Variants in GNG5 observed in about 807,000 individuals in gnomAD.
GNG5 encodes guanine nucleotide-binding protein G(I)/G(S)/G(O) subunit gamma-5.
A neutral mutation model predicts 6.2 loss-of-function variants in GNG5; 2 were observed. The observed-to-expected ratio is 0.32, with a 90% CI of 0.13 to 1.01. The LOEUF is 1.01. Ranked by LOEUF, GNG5 falls within the 50% of genes least tolerant of loss-of-function variation. GNG5 has a pLI of 0.48. For synonymous variants in GNG5, 24 were observed against 33.0 expected, an observed-to-expected ratio of 0.73 and a Z score of 0.93; for missense variants, 57 against 80.2, an observed-to-expected ratio of 0.71 and a Z score of 1.10.
intron 3 of GNG5, 32 bp downstream of exon 3, chr1:84,501,794 T>TG: frequency 7.3e-7 from 1 of 1,370,134 alleles, no homozygotes; most frequent in Non-Finnish European, 1.0e-6. Flanking sequence ...TCCTACAGTG[T>TG]GGGTTTTTGT....
chr1:84,502,816 C>T (rs1043657677), intron 2 of GNG5, among the ~76,000 whole-genome samples: 1 of 152,154 alleles, frequency 6.6e-6, no homozygotes, highest in Non-Finnish European at 1.5e-5. Flanking sequence ...TTATCAGACC[C>T]TTATACTGTC....
chr1:84,503,845 G>C (rs1337855673), intron 2 of GNG5: 1 of 152,228 alleles, frequency 6.6e-6, no homozygotes, highest in Non-Finnish European at 1.5e-5. Flanking sequence ...CTTTTAGATG[G>C]TGACTGGGTG....
intron 3 of GNG5, 88 bp from the exon 4 acceptor site, chr1:84,498,636 A>C (rs1041310058): frequency 7.9e-5 from 12 of 152,542 alleles, no homozygotes; most frequent in African/African-American, 1.7e-4. Context: ...AACTTAAAAG[A>C]AGCAGGATGG....
intron 2 of GNG5, 113 bp downstream of exon 2, chr1:84,505,898 C>G: frequency 1.4e-6 from 1 of 735,040 alleles, no homozygotes. Context: ...CGCGCGTCCT[C>G]TCCAGGGGAA....
chr1:84,503,550 C>T (rs887939977), intron 2 of GNG5: 1 of 152,350 alleles, frequency 6.6e-6, no homozygotes, highest in Admixed American at 6.5e-5. Context: ...AGAAGTGTAG[C>T]TAAAGTAGGG....
chr1:84,499,517 C>T (rs1682010039), intron 3 of GNG5, among the ~76,000 whole-genome samples: 1 of 152,256 alleles, frequency 6.6e-6, no homozygotes, highest in African/African-American at 2.4e-5. Flanking sequence ...AAATCTTCAC[C>T]TCACTGTAAC....
chr1:84,506,269 G>C lies in GNG5; in HGVS notation c.-178C>G. The stretch of plus-strand genomic sequence containing the variant: ...CGCATGCGCGCCTTGCCAGCCCTCT[G>C]TTCCAGCTCCACACCCGGCCCCGAG... On this transcript the variant is annotated 5_prime_UTR_variant, in exon 2 of 4. Coordinates refer to ENST00000370645, the MANE Select transcript of GNG5 (RefSeq NM_005274.3). The C allele has an allele frequency of 2.2e-6, 1 of 463,924 alleles. No individual in the cohort carries two copies. The highest frequency in any genetic ancestry group is 3.7e-6 in the Non-Finnish European group (1 of 268,608). The allele number at this position is 463,924 out of a possible 1,614,324, so 28.7% of individuals were successfully genotyped here. A position where few individuals can be genotyped will look rare whatever the true frequency, so the allele number is the denominator to read the frequency against.
intron 3 of GNG5, among the ~76,000 whole-genome samples, chr1:84,500,150 G>T (rs1369216322): frequency 6.6e-6 from 1 of 151,856 alleles, no homozygotes; most frequent in African/African-American, 2.4e-5. Context: ...GTCAGCATCA[G>T]TGTAGGTGGG....
chr1:84,499,532 A>T (rs1343042452), intron 3 of GNG5, among the ~76,000 whole-genome samples: 2 of 152,230 alleles, frequency 1.3e-5, no homozygotes, highest in Non-Finnish European at 2.9e-5. Context: ...TGTAACCTCA[A>T]ATTTTGGAAA....
intron 3 of GNG5, 108 bp from the exon 4 acceptor site, chr1:84,498,656 A>G (rs901385030): frequency 1.3e-5 from 2 of 152,450 alleles, no homozygotes; most frequent in Admixed American, 6.5e-5. Context: ...GGAAATGCCT[A>G]TGGTCCAGTA....
At chr1:84,505,950 C>A (rs1682195158) in intron 2 of GNG5, 61 bp downstream of exon 2, 2 of 1,186,820 alleles carry the variant, frequency 1.7e-6, no homozygotes, top group South Asian at 1.8e-5. Context: ...GCCAGCTGGG[C>A]CGCCGGATCC....
intron 2 of GNG5, 98 bp from the exon 3 acceptor site, chr1:84,502,068 T>C (rs550851321): frequency 1.6e-5 from 13 of 815,624 alleles, no homozygotes; most frequent in Non-Finnish European, 2.6e-5. Context: ...AATAAAACAG[T>C]ACTTCTCTTG....
rs771131481 is a variant in GNG5 at position 84,506,116 on chromosome 1, TCGTGGGTCGGTGGGTCGTGGGC to T, written c.-47_-26del. 1.3e-6 allele frequency: 2 copies of T among 1,567,572 alleles called. No individual in the cohort carries two copies. The highest frequency in any genetic ancestry group is 5.1e-5 in the East Asian group (2 of 39,200). On this transcript the variant is annotated 5_prime_UTR_variant, in exon 2 of 4. Transcript: ENST00000370645. ...TGGTGCACGCGACGGCCGGGCCGAT[TCGTGGGTCGGTGGGTCGTGGGC>T]CGTGGGTCGGCGGGGCCAGACAACT...
intron 3 of GNG5, among the ~76,000 whole-genome samples, 188 bp from the exon 4 acceptor site, chr1:84,498,736 C>T (rs1275496208): frequency 6.6e-6 from 1 of 152,116 alleles, no homozygotes; most frequent in Non-Finnish European, 1.5e-5. Context: ...TATAAACAGA[C>T]TTACAGATTA....
intron 2 of GNG5, among the ~76,000 whole-genome samples, chr1:84,504,345 C>T (rs1682114818): frequency 6.6e-6 from 1 of 151,256 alleles, no homozygotes; most frequent in South Asian, 2.1e-4. Context: ...ACTCCAAAAC[C>T]AAATCATGTC....
Position 84,506,131 on chromosome 1 carries a change from T to A in GNG5, c.-40A>T, listed in dbSNP as rs1234100365. 2.0e-6 allele frequency: 3 copies of A among 1,537,234 alleles called. No homozygotes were observed. Among genetic ancestry groups the A allele is most frequent in the Non-Finnish European group, 2.6e-6 (3 of 1,136,474 alleles). ...CCGGGCCGATTCGTGGGTCGGTGGG[T>A]CGTGGGCCGTGGGTCGGCGGGGCCA... is the stretch of plus-strand genomic sequence containing the variant. On this transcript the variant is annotated 5_prime_UTR_variant, in exon 2 of 4. Transcript: ENST00000370645.
intron 3 of GNG5, 109 bp downstream of exon 3, chr1:84,501,717 T>TG: frequency 1.5e-6 from 1 of 662,546 alleles, no homozygotes; most frequent in East Asian, 2.6e-5. Flanking sequence ...ATACTGGAAA[T>TG]GGAGGGCCAA....
intron 3 of GNG5, 94 bp downstream of exon 3, chr1:84,501,732 A>G (rs1682060861): frequency 7.0e-6 from 5 of 719,062 alleles, no homozygotes; most frequent in Non-Finnish European, 1.2e-5. Flanking sequence ...GGCCAAAGGA[A>G]AGGGCATGGG....
chr1:84,505,602 G>C (rs1258735841), intron 2 of GNG5, among the ~76,000 whole-genome samples: 2 of 152,368 alleles, frequency 1.3e-5, no homozygotes, highest in African/African-American at 4.8e-5. Flanking sequence ...TGAATCAAAA[G>C]TCGGAAAATA....
Sources: allele counts gnomAD v4.1 joint callset (sites outside exome capture counted in the v4.1 genomes callset), GRCh38; gene constraint gnomAD v4.1.1; transcripts MANE v1.5; gene names NCBI Gene and HGNC (gene_info 2026-07-23, HGNC 2026-07-21).